GPC5: variants seen among roughly 807,000 people sequenced by gnomAD.
GPC5 encodes glypican 5.
Under a neutral mutation model 53.9 loss-of-function variants are expected in GPC5, and 47 were observed. The ratio of observed to expected loss-of-function variants is 0.87; its 90% CI spans 0.69 to 1.11. The LOEUF (loss-of-function observed/expected upper bound fraction) is 1.11, where lower values mean the gene tolerates loss of function less well. Ranked by LOEUF, GPC5 falls within the 50% of genes most tolerant of loss-of-function variation. The pLI, the probability that GPC5 is intolerant of heterozygous loss-of-function variation, is 0.00. For missense variants in GPC5, 748 were observed against 713.1 expected, an observed-to-expected ratio of 1.05 and a Z score of -0.56; for synonymous variants, 286 against 263.3, an observed-to-expected ratio of 1.09 and a Z score of -0.84.
At chr13:91,487,394 C>T (rs544042395) in intron 2 of GPC5, among the ~76,000 whole-genome samples, 1 of 152,190 alleles carries the variant, frequency 6.6e-6, no homozygotes, top group African/African-American at 2.4e-5. Context: ...CAGACATTAT[C>T]CTGTGGAAAC....
At chr13:91,898,121 A>G (rs1395748782) in intron 5 of GPC5, among the ~76,000 whole-genome samples, 1 of 152,170 alleles carries the variant, frequency 6.6e-6, no homozygotes, top group Non-Finnish European at 1.5e-5. Flanking sequence ...ATTTAACATC[A>G]TGTAATTTAA....
chr13:91,845,827 G>T (rs1248421588), intron 5 of GPC5, among the ~76,000 whole-genome samples: 1 of 152,146 alleles, frequency 6.6e-6, no homozygotes, highest in Non-Finnish European at 1.5e-5. Context: ...TGGTTAAAAT[G>T]TAAGATTTGT....
At chr13:91,895,705 G>A (rs1047337455) in intron 5 of GPC5, among the ~76,000 whole-genome samples, 7 of 150,752 alleles carry the variant, frequency 4.6e-5, no homozygotes, top group African/African-American at 1.7e-4. Flanking sequence ...CTGCACAAAT[G>A]AGAGCAAGTA....
At chr13:92,412,507 A>T (rs936922105) in intron 7 of GPC5, among the ~76,000 whole-genome samples, 8 of 152,190 alleles carry the variant, frequency 5.3e-5, no homozygotes, top group African/African-American at 1.9e-4. Flanking sequence ...ATTTTATTTA[A>T]CATTCTTAAA....
At chr13:92,214,236 T>C (rs1471475665) in intron 7 of GPC5, among the ~76,000 whole-genome samples, 1 of 152,228 alleles carries the variant, frequency 6.6e-6, no homozygotes, top group Non-Finnish European at 1.5e-5. Context: ...TAGGGCTTAT[T>C]CAATATTTTT....
At chr13:92,866,231 T>C in intron 7 of GPC5, 51 bp from the exon 8 acceptor site, 1 of 1,525,318 alleles carries the variant, frequency 6.6e-7, no homozygotes, top group Non-Finnish European at 8.9e-7. Flanking sequence ...TCTAGACGTA[T>C]TATGGTGAAG....
At chr13:92,337,632 C>T (rs185505913) in intron 7 of GPC5, among the ~76,000 whole-genome samples, 2 of 152,238 alleles carry the variant, frequency 1.3e-5, no homozygotes, top group Admixed American at 6.5e-5. Context: ...GAACAGAATA[C>T]AGAGCCTAGA....
chr13:91,516,416 G>C (rs1264985186), intron 2 of GPC5, among the ~76,000 whole-genome samples: 1 of 152,186 alleles, frequency 6.6e-6, no homozygotes, highest in Non-Finnish European at 1.5e-5. Context: ...AAATTTTAAA[G>C]CTCCAAAATG....
intron 7 of GPC5, among the ~76,000 whole-genome samples, chr13:92,473,711 T>C (rs1878994568): frequency 1.3e-5 from 2 of 152,130 alleles, no homozygotes; most frequent in African/African-American, 2.4e-5. Flanking sequence ...GAAATCTGCA[T>C]TGGAACTTTT....
intron 6 of GPC5, among the ~76,000 whole-genome samples, chr13:92,078,867 T>C (rs570230547): frequency 6.6e-6 from 1 of 152,216 alleles, no homozygotes; most frequent in Admixed American, 6.5e-5. Context: ...TATTCATAAT[T>C]TACCCTTTCT....
chr13:92,771,278 T>A (rs781456028), intron 7 of GPC5, among the ~76,000 whole-genome samples: 4 of 152,188 alleles, frequency 2.6e-5, no homozygotes, highest in Non-Finnish European at 5.9e-5. Flanking sequence ...TTACTCATGC[T>A]ACCCATCTCA....
chr13:92,074,401 T>C (rs2041236644), intron 6 of GPC5, among the ~76,000 whole-genome samples: 1 of 152,164 alleles, frequency 6.6e-6, no homozygotes, highest in Non-Finnish European at 1.5e-5. Context: ...AGACGTGAAT[T>C]GATAGAGATA....
intron 2 of GPC5, among the ~76,000 whole-genome samples, chr13:91,589,886 A>T (rs1243523547): frequency 6.6e-6 from 1 of 152,112 alleles, no homozygotes; most frequent in African/African-American, 2.4e-5. Context: ...CTAAATTTTT[A>T]ACTATGGGTA....
At chr13:92,116,513 G>A (rs1355873316) in intron 6 of GPC5, among the ~76,000 whole-genome samples, 2 of 152,192 alleles carry the variant, frequency 1.3e-5, no homozygotes, top group African/African-American at 4.8e-5. Flanking sequence ...ATTAATAAAA[G>A]CTGCTGTACG....
chr13:91,811,974 G>A (rs774358185), intron 5 of GPC5, among the ~76,000 whole-genome samples: 4 of 152,154 alleles, frequency 2.6e-5, no homozygotes, highest in Non-Finnish European at 4.4e-5. Flanking sequence ...GAATGAGTTA[G>A]ACCCATGCTC....
intron 1 of GPC5, among the ~76,000 whole-genome samples, chr13:91,405,737 C>T (rs946565040): frequency 5.9e-5 from 9 of 152,200 alleles, no homozygotes; most frequent in Middle Eastern, 3.4e-3. Flanking sequence ...TCCAATGAAC[C>T]GTGTGGTTGG....
chr13:92,758,422 G>A (rs946487586), intron 7 of GPC5, among the ~76,000 whole-genome samples: 36 of 151,660 alleles, frequency 2.4e-4, no homozygotes, highest in African/African-American at 4.4e-4. Context: ...ACATGTATAC[G>A]TATGTAACTA....
chr13:92,414,922 G>A (rs890314296), intron 7 of GPC5, among the ~76,000 whole-genome samples: 1 of 152,030 alleles, frequency 6.6e-6, no homozygotes, highest in Admixed American at 6.6e-5. Flanking sequence ...ATCACATTGG[G>A]GATTAAGTTT....
intron 6 of GPC5, among the ~76,000 whole-genome samples, chr13:92,127,609 A>AT (rs1029777233): frequency 6.6e-5 from 10 of 152,196 alleles, no homozygotes; most frequent in African/African-American, 2.4e-4. Flanking sequence ...CGAACACCAG[A>AT]TACAGGTCTG....
Sources: allele counts gnomAD v4.1 joint callset (sites outside exome capture counted in the v4.1 genomes callset), GRCh38; gene constraint gnomAD v4.1.1; transcripts MANE v1.5; gene names NCBI Gene and HGNC (gene_info 2026-07-23, HGNC 2026-07-21).